Variants in RBFOX1 observed in about 807,000 individuals in gnomAD.
The protein encoded by RBFOX1 is RNA binding protein fox-1 homolog 1.
A neutral mutation model predicts 57.7 loss-of-function variants in RBFOX1; 8 were observed. The observed-to-expected ratio is 0.14, with a 90% CI of 0.08 to 0.25. The LOEUF is 0.25. Ranked by LOEUF, RBFOX1 falls within the 10% of genes least tolerant of loss-of-function variation. The pLI is 1.00. For missense variants in RBFOX1, 611 were observed against 548.5 expected, an observed-to-expected ratio of 1.11 and a Z score of -1.14; for synonymous variants, 326 against 222.4, an observed-to-expected ratio of 1.47 and a Z score of -4.15.
At chr16:5,368,868 G>T (rs79709722) in intron 1 of RBFOX1, among the ~76,000 whole-genome samples, 4 of 152,290 alleles carry the variant, frequency 2.6e-5, no homozygotes, top group Middle Eastern at 6.8e-3. Context: ...CCACCCTCTG[G>T]CAATGCATTC....
At chr16:7,238,736 A>G (rs1200002233) in intron 4 of RBFOX1, among the ~76,000 whole-genome samples, 3 of 152,210 alleles carry the variant, frequency 2.0e-5, no homozygotes, top group Middle Eastern at 6.8e-3. Context: ...TTATTTCATC[A>G]CCCAGGTGTT....
intron 3 of RBFOX1, among the ~76,000 whole-genome samples, chr16:7,047,536 C>T (rs530649258): frequency 5.3e-5 from 8 of 151,414 alleles, no homozygotes; most frequent in Non-Finnish European, 1.2e-4. Flanking sequence ...TTGTGGATTT[C>T]GTTGATTTTA....
At chr16:7,375,547 A>G (rs1172027923) in intron 4 of RBFOX1, among the ~76,000 whole-genome samples, 1 of 149,878 alleles carries the variant, frequency 6.7e-6, no homozygotes, top group East Asian at 2.0e-4. Context: ...GGGTGTTCCC[A>G]GCTGTGCTTG....
At chr16:6,931,008 A>G (rs1212828121) in intron 3 of RBFOX1, among the ~76,000 whole-genome samples, 1 of 151,324 alleles carries the variant, frequency 6.6e-6, no homozygotes, top group Non-Finnish European at 1.5e-5. Context: ...TCCTTTCTGG[A>G]TTGTAAATTT....
intron 1 of RBFOX1, among the ~76,000 whole-genome samples, chr16:5,368,122 G>T (rs150451150): frequency 8.5e-5 from 13 of 152,168 alleles, no homozygotes; most frequent in African/African-American, 3.1e-4. Flanking sequence ...TATGATGAAT[G>T]GTAATTCCCT....
At chr16:6,789,608 C>G (rs889156067) in intron 3 of RBFOX1, among the ~76,000 whole-genome samples, 1 of 152,118 alleles carries the variant, frequency 6.6e-6, no homozygotes, top group African/African-American at 2.4e-5. Context: ...CAGTGCTGTG[C>G]CCATCTTTGC....
chr16:6,902,080 G>C (rs1014849046), intron 3 of RBFOX1, among the ~76,000 whole-genome samples: 2 of 152,096 alleles, frequency 1.3e-5, no homozygotes, highest in South Asian at 2.1e-4. Flanking sequence ...CTTGATGTCG[G>C]CATATATTTG....
chr16:7,488,218 C>T (rs2065928389), intron 4 of RBFOX1, among the ~76,000 whole-genome samples: 1 of 152,174 alleles, frequency 6.6e-6, no homozygotes, highest in Admixed American at 6.5e-5. Flanking sequence ...GGAGGGGCTT[C>T]AGCTCCCTCC....
intron 2 of RBFOX1, among the ~76,000 whole-genome samples, chr16:6,580,594 G>T (rs944901852): frequency 2.0e-5 from 3 of 152,160 alleles, no homozygotes; most frequent in African/African-American, 7.2e-5. Flanking sequence ...GTCACAGGGG[G>T]GGATGCATAA....
chr16:7,444,885 T>C (rs568498660), intron 4 of RBFOX1, among the ~76,000 whole-genome samples: 1 of 152,218 alleles, frequency 6.6e-6, no homozygotes, highest in African/African-American at 2.4e-5. Flanking sequence ...TGAATGCAGA[T>C]AGATAGACAG....
chr16:5,401,717 TGTTA>T (rs2066717718), intron 1 of RBFOX1, among the ~76,000 whole-genome samples: 1 of 148,978 alleles, frequency 6.7e-6, no homozygotes, highest in South Asian at 2.1e-4. Context: ...TTTGATTTCT[TGTTA>T]GTATTTTCCC....
At chr16:6,742,468 A>T (rs892932054) in intron 3 of RBFOX1, among the ~76,000 whole-genome samples, 2 of 152,172 alleles carry the variant, frequency 1.3e-5, no homozygotes, top group Non-Finnish European at 2.9e-5. Context: ...CAACAATCAC[A>T]TTTCTGGACA....
chr16:6,944,189 G>A (rs1269284539), intron 3 of RBFOX1, among the ~76,000 whole-genome samples: 1 of 151,980 alleles, frequency 6.6e-6, no homozygotes, highest in Non-Finnish European at 1.5e-5. Context: ...GAGGTCAGGA[G>A]TTCAAGATCA....
intron 3 of RBFOX1, among the ~76,000 whole-genome samples, chr16:6,854,396 A>G (rs570323197): frequency 2.0e-5 from 3 of 152,168 alleles, no homozygotes; most frequent in South Asian, 4.2e-4. Flanking sequence ...TATCTAAGGA[A>G]TATTTTATAT....
intron 1 of RBFOX1, among the ~76,000 whole-genome samples, chr16:6,089,636 G>C (rs1299410455): frequency 1.3e-5 from 2 of 152,222 alleles, no homozygotes; most frequent in East Asian, 3.8e-4. Context: ...ATCAGCTAAT[G>C]ATTTAGTTGG....
intron 1 of RBFOX1, among the ~76,000 whole-genome samples, chr16:6,255,912 G>T (rs1010647346): frequency 6.6e-6 from 1 of 151,596 alleles, no homozygotes; most frequent in Non-Finnish European, 1.5e-5. Context: ...CAAAGGGAGG[G>T]AGAGCGTTAG....
At chr16:5,493,674 C>T (rs1178591587) in intron 2 of RBFOX1, among the ~76,000 whole-genome samples, 1 of 152,200 alleles carries the variant, frequency 6.6e-6, no homozygotes, top group Admixed American at 6.5e-5. Flanking sequence ...GCCTGGGATT[C>T]TCCCCAGTGA....
chr16:5,732,449 C>A (rs930222959), intron 3 of RBFOX1, among the ~76,000 whole-genome samples: 8 of 152,162 alleles, frequency 5.3e-5, no homozygotes, highest in African/African-American at 1.9e-4. Context: ...GAGATTCAAA[C>A]TGCAGAACAG....
chr16:7,449,117 C>T (rs1297107459), intron 4 of RBFOX1, among the ~76,000 whole-genome samples: 3 of 151,746 alleles, frequency 2.0e-5, no homozygotes, highest in Non-Finnish European at 2.9e-5. Flanking sequence ...TTAGTAGAGA[C>T]GGGGTTTCTC....
Sources: gnomAD v4.1 joint callset for allele counts (sites outside exome capture counted in the v4.1 genomes callset) on GRCh38, gnomAD v4.1.1 for gene constraint, MANE v1.5 for transcripts, NCBI Gene and HGNC (gene_info 2026-07-23, HGNC 2026-07-21) for gene names.